The following STKLD1 variants were observed in gnomAD, a reference collection of about 807,000 sequenced individuals.
The protein encoded by STKLD1 is serine/threonine kinase-like domain-containing protein STKLD1.
A neutral mutation model predicts 80.4 loss-of-function variants in STKLD1; 79 were observed. The ratio of observed to expected loss-of-function variants is 0.98; its 90% CI spans 0.82 to 1.19. The LOEUF (loss-of-function observed/expected upper bound fraction) is 1.19, where lower values mean the gene tolerates loss of function less well. Ranked by LOEUF, STKLD1 falls within the 50% of genes most tolerant of loss-of-function variation. The probability of loss-of-function intolerance (pLI) is 0.00; values close to 1 mark genes in which losing one functional copy is unlikely to be tolerated. For synonymous variants in STKLD1, 393 were observed against 357.6 expected, an observed-to-expected ratio of 1.10 and a Z score of -1.12; for missense variants, 841 against 856.0, an observed-to-expected ratio of 0.98 and a Z score of 0.22.
chr9:133,394,065 G>A lies in STKLD1; in HGVS notation c.584-226G>A. On this transcript the variant is annotated intron_variant, in intron 7 of 17. Coordinates refer to ENST00000371957, the MANE Select transcript of STKLD1 (RefSeq NM_153710.5). This position sits in a 1 kb window ranked among gnomAD's most constrained non-coding sequence, Gnocchi z 4.9. ...TGGTGGGCACCCACCAAGATGGACA[G>A]CTTCAGTGGCTCCAGATCAACACAA... is the stretch of plus-strand genomic sequence containing the variant. The A allele has an allele frequency of 1.8e-6, 1 of 553,248 alleles. No individual in the cohort carries two copies. Among genetic ancestry groups the A allele is most frequent in the Non-Finnish European group, 3.3e-6 (1 of 306,748 alleles). The allele number at this position is 553,248 out of a possible 1,614,324, so 34.3% of individuals were successfully genotyped here.
chr9:133,383,856 G>T lies in STKLD1; in HGVS notation c.175G>T (p.Val59Leu). 1.9e-6 allele frequency: 3 copies of T among 1,613,954 alleles called. No homozygotes were observed. Among genetic ancestry groups the T allele is most frequent in the South Asian group, 2.2e-5 (2 of 91,086 alleles). The change falls in exon 3 of 18, where the codon GTG (valine) becomes TTG (leucine). Residue 59 changes from valine to leucine, a missense_variant and splice_region_variant. By Grantham distance (32) the Val-to-Leu change is conservative. Coordinates refer to ENST00000371957, the MANE Select transcript of STKLD1 (RefSeq NM_153710.5). ...ETKVKHVIKQ[V>L]ECMDDHYASQ... ...AGCTCATGCTCTTGTGCCCTTGCAG[G>T]TGGAATGCATGGATGACCATTACGC...
intron 11 of STKLD1, among the ~76,000 whole-genome samples, chr9:133,399,770 G>A (rs587749115): frequency 3.5e-4 from 53 of 152,100 alleles, no homozygotes; most frequent in African/African-American, 1.1e-3. Flanking sequence ...TCTCAGCTAC[G>A]CAGGAGGCTG....
chr9:133,401,753 C>A lies in STKLD1; in HGVS notation c.1214C>A (p.Pro405Gln), dbSNP rs1272016975. 1 of 1,612,654 alleles carries A rather than the reference C, an allele frequency of 6.2e-7. No individual in the cohort carries two copies. The highest frequency in any genetic ancestry group is 8.5e-7 in the Non-Finnish European group (1 of 1,179,838). The change falls in exon 13 of 18, where the codon CCG becomes CAG. Residue 405 changes from proline to glutamine, a missense_variant. Pro to Gln is a moderately conservative substitution (Grantham distance 76). Transcript: ENST00000371957. ...HLLGQALVHH[P>Q]EAKAPCNQAI... ...GCTTGAGCAGCGCTGGTGCACCACC[C>A]GGAAGCCAAGGCTCCCTGCAACCAA... is the stretch of plus-strand genomic sequence containing the variant.
intron 13 of STKLD1, among the ~76,000 whole-genome samples, chr9:133,402,165 C>A (rs1300575466): frequency 1.3e-5 from 2 of 152,236 alleles, no homozygotes; most frequent in African/African-American, 4.8e-5. Context: ...TCCCACACTT[C>A]CTGCCCCTTC....
rs1290411981 is a variant in STKLD1, at chr9:133,384,577, C to T, written c.219+677C>T. On this transcript the variant is annotated intron_variant, in intron 3 of 17. Transcript: ENST00000371957. This position sits in a 1 kb window ranked among gnomAD's most constrained non-coding sequence, Gnocchi z 4.3. Reference sequence around the variant, plus strand: ...AGAATTGGGTTTTCTTTTGTTTTTACCTTTTTTTTTTTTTCTTTAATAGCA... The same window carrying T: ...AGAATTGGGTTTTCTTTTGTTTTTATCTTTTTTTTTTTTTCTTTAATAGCA... 1.3e-5 allele frequency: 2 copies of T among 150,758 alleles called. No homozygotes were observed. Among genetic ancestry groups the T allele is most frequent in the African/African-American group, 4.9e-5 (2 of 41,016 alleles). The allele number at this position is 150,758 out of a possible 1,614,324, so 9.3% of individuals were successfully genotyped here.
At chr9:133,400,580 C>T (rs371284755) in intron 12 of STKLD1, 51 bp downstream of exon 12, 4 of 1,464,388 alleles carry the variant, frequency 2.7e-6, no homozygotes, top group African/African-American at 1.4e-5. Context: ...GCGCTGCTTC[C>T]TGCAGCTGTG....
At chr9:133,388,932 G>T (rs1030970722) in intron 5 of STKLD1, 13 of 985,286 alleles carry the variant, frequency 1.3e-5, no homozygotes, top group African/African-American at 3.5e-5. Flanking sequence ...AGTAAGTGCA[G>T]CAGACCTACT....
At chr9:133,401,520 C>A (rs587633327) in intron 12 of STKLD1, among the ~76,000 whole-genome samples, 112 of 152,278 alleles carry the variant, frequency 7.4e-4, no homozygotes, top group African/African-American at 2.6e-3. Context: ...CTCCCAGGGA[C>A]CAGGATGCGT....
rs2130272792 is a variant in STKLD1, at chr9:133,384,578, C to CT, written c.219+691dup. The CT allele has an allele frequency of 2.3e-3, 324 of 143,808 alleles. No homozygotes were observed. The highest frequency in any genetic ancestry group is 4.3e-3 in the African/African-American group (168 of 39,390). 8.9% of individuals were successfully genotyped at this position (143,808 alleles called of 1,614,324 possible). A position where few individuals can be genotyped will look rare whatever the true frequency, so the allele number is the denominator to read the frequency against. On this transcript the variant is annotated intron_variant, in intron 3 of 17. Coordinates refer to ENST00000371957, the MANE Select transcript of STKLD1 (RefSeq NM_153710.5). The surrounding 1 kb of genome is among the most constrained non-coding windows in gnomAD (Gnocchi z 4.3). ...GAATTGGGTTTTCTTTTGTTTTTAC[C>CT]TTTTTTTTTTTTTCTTTAATAGCAA...
rs1554778405 is a variant in STKLD1, at chr9:133,404,862, G to C, written c.1806G>C (p.Gln602His). The C allele has an allele frequency of 6.2e-7, 1 of 1,613,150 alleles. No homozygotes were observed. ...TCAGCCTCATCAAGGAGACCTACCA[G>C]CTCCACAGGGACGACCCGGAGGTGG... The part of the protein sequence containing the change: ...SGLSLIKETY[Q>H]LHRDDPEVVE... The change falls in exon 17 of 18, where the codon CAG becomes CAC. Residue 602 changes from glutamine to histidine, a missense_variant. Gln to His is a conservative substitution (Grantham distance 24). Coordinates refer to ENST00000371957, the MANE Select transcript of STKLD1 (RefSeq NM_153710.5).
At chr9:133,382,484 G>C (rs1838154747) in intron 2 of STKLD1, among the ~76,000 whole-genome samples, 1 of 151,916 alleles carries the variant, frequency 6.6e-6, no homozygotes. Flanking sequence ...AATGATGGTG[G>C]TAGTGGTGGT....
intron 2 of STKLD1, among the ~76,000 whole-genome samples, chr9:133,382,260 C>G (rs144376492): frequency 6.6e-6 from 1 of 152,358 alleles, no homozygotes; most frequent in Non-Finnish European, 1.5e-5. Context: ...TAAAGACGGT[C>G]TGAAAATGGA....
At chr9:133,388,288 G>A (rs896800476) in intron 5 of STKLD1, among the ~76,000 whole-genome samples, 2 of 152,006 alleles carry the variant, frequency 1.3e-5, no homozygotes, top group African/African-American at 2.4e-5. Context: ...TCACTCTGTC[G>A]CCCAGGCTGG....
At chr9:133,383,778 T>G (rs1838205892) in intron 2 of STKLD1, 78 bp from the exon 3 acceptor site, 6 of 1,367,360 alleles carry the variant, frequency 4.4e-6, no homozygotes, top group Non-Finnish European at 6.3e-6. Context: ...TAATGGTCGT[T>G]GTGGTGGTGG....
chr9:133,398,719 T>A (rs782443462), intron 11 of STKLD1, among the ~76,000 whole-genome samples: 1 of 152,192 alleles, frequency 6.6e-6, no homozygotes, highest in African/African-American at 2.4e-5. Context: ...ATTGAGGCTA[T>A]AGTGAGCTAC....
At chr9:133,398,528 T>G (rs7029256) in intron 11 of STKLD1, among the ~76,000 whole-genome samples, 1 of 152,112 alleles carries the variant, frequency 6.6e-6, no homozygotes, top group African/African-American at 2.4e-5. Context: ...CCTGTAATCC[T>G]AGCACCTTGA....
At chr9:133,401,631 C>T in intron 12 of STKLD1, 107 bp from the exon 13 acceptor site, 1 of 1,385,346 alleles carries the variant, frequency 7.2e-7, no homozygotes, top group Non-Finnish European at 9.6e-7. Flanking sequence ...CCTCGGTTTC[C>T]TTCATGCAAA....
chr9:133,384,125 A>C lies in STKLD1; in HGVS notation c.219+225A>C. ...TGCAGGTGCCGACAACTTAGAACATATGTTCCCAGAGAACATAAAATTTAA... is the reference window on the plus strand; with the variant it reads ...TGCAGGTGCCGACAACTTAGAACATCTGTTCCCAGAGAACATAAAATTTAA... On this transcript the variant is annotated intron_variant, in intron 3 of 17. Transcript: ENST00000371957. This position sits in a 1 kb window ranked among gnomAD's most constrained non-coding sequence, Gnocchi z 4.3. 1 of 556,952 alleles carries C rather than the reference A, an allele frequency of 1.8e-6. No homozygotes were observed. Among genetic ancestry groups the C allele is most frequent in the Non-Finnish European group, 3.2e-6 (1 of 312,178 alleles). 34.5% of individuals were successfully genotyped at this position (556,952 alleles called of 1,614,324 possible).
chr9:133,394,415 C>T lies in STKLD1; in HGVS notation c.702+6C>T. ...CCAGCTGCTCCTTCATGGATGTGAG[C>T]CGCCCTCCCTCCCCCACACCCCACA... On this transcript the variant is annotated splice_donor_region_variant and intron_variant, in intron 8 of 17. Coordinates refer to ENST00000371957, the MANE Select transcript of STKLD1 (RefSeq NM_153710.5). The surrounding 1 kb of genome is among the most constrained non-coding windows in gnomAD (Gnocchi z 4.9). 6.3e-7 allele frequency: 1 copy of T among 1,597,054 alleles called. No homozygotes were observed. Among genetic ancestry groups the T allele is most frequent in the Non-Finnish European group, 8.6e-7 (1 of 1,164,782 alleles).
Sources: allele counts gnomAD v4.1 joint callset (sites outside exome capture counted in the v4.1 genomes callset), GRCh38; gene constraint gnomAD v4.1.1; non-coding constraint Gnocchi (gnomAD v3.1); transcripts MANE v1.5; gene names NCBI Gene and HGNC (gene_info 2026-07-23, HGNC 2026-07-21).